Variants in FIG4 observed in about 807,000 individuals in gnomAD.
The protein encoded by FIG4 is FIG4 phosphoinositide 5-phosphatase, also known as polyphosphoinositide phosphatase.
In FIG4, 112 loss-of-function variants were observed where a neutral mutation model predicts 118.6. The observed-to-expected ratio is 0.94, with a 90% confidence interval of 0.81 to 1.11. FIG4 has a LOEUF of 1.11. Ranked by LOEUF, FIG4 falls within the 50% of genes least tolerant of loss-of-function variation. The probability of loss-of-function intolerance (pLI) is 0.00; values close to 1 mark genes in which losing one functional copy is unlikely to be tolerated. For synonymous variants in FIG4, 369 were observed against 381.2 expected (o/e 0.97, Z 0.37); for missense variants, 969 against 1,111.7 (o/e 0.87, Z 1.83).
intron 22 of FIG4, among the ~76,000 whole-genome samples, chr6:109,812,018 G>T (rs1015583037): frequency 1.3e-5 from 2 of 152,120 alleles, no homozygotes; most frequent in African/African-American, 4.8e-5. Flanking sequence ...CCAGGTGGAG[G>T]TAATTGAATC....
At chr6:109,703,549 G>T (rs1029428330) in intron 1 of FIG4, among the ~76,000 whole-genome samples, 1 of 152,034 alleles carries the variant, frequency 6.6e-6, no homozygotes, top group Non-Finnish European at 1.5e-5. Context: ...TGCTCTTGGG[G>T]CTTGAGCCTA....
chr6:109,739,981 G>T (rs1422495217), intron 7 of FIG4, among the ~76,000 whole-genome samples: 2 of 152,162 alleles, frequency 1.3e-5, no homozygotes, highest in Non-Finnish European at 2.9e-5. Context: ...AGATTTATGT[G>T]CTACACTTGA....
intron 10 of FIG4, among the ~76,000 whole-genome samples, chr6:109,757,022 C>T (rs1315711199): frequency 1.3e-5 from 2 of 152,172 alleles, no homozygotes; most frequent in Non-Finnish European, 2.9e-5. Context: ...CACCCGTCTT[C>T]TGCGTCGCTC....
intron 22 of FIG4, among the ~76,000 whole-genome samples, chr6:109,818,773 G>A (rs114862781): frequency 1.4e-4 from 21 of 152,128 alleles, no homozygotes; most frequent in African/African-American, 5.1e-4. Context: ...CCACTAATCT[G>A]CAAAACACAT....
At chr6:109,706,559 T>C (rs1254525845) in intron 1 of FIG4, among the ~76,000 whole-genome samples, 1 of 152,198 alleles carries the variant, frequency 6.6e-6, no homozygotes, top group Non-Finnish European at 1.5e-5. Context: ...CATGCTTTCC[T>C]CCCTTTGGGC....
At chr6:109,701,195 C>T (rs922910707) in intron 1 of FIG4, among the ~76,000 whole-genome samples, 2 of 152,160 alleles carry the variant, frequency 1.3e-5, no homozygotes, top group African/African-American at 4.8e-5. Context: ...GTAGTTCTAG[C>T]TTGTGAGGGT....
chr6:109,807,013 A>T (rs1478375482), intron 22 of FIG4, among the ~76,000 whole-genome samples: 1 of 152,178 alleles, frequency 6.6e-6, no homozygotes, highest in Non-Finnish European at 1.5e-5. Flanking sequence ...ATTGATAGGC[A>T]TTTGGTTTGG....
intron 15 of FIG4, among the ~76,000 whole-genome samples, chr6:109,773,224 A>G (rs577088109): frequency 1.9e-4 from 29 of 152,212 alleles, no homozygotes; most frequent in Non-Finnish European, 4.1e-4. Flanking sequence ...AGTGGACCCA[A>G]CCAGATGATT....
At chr6:109,766,947 T>A (rs1777298444) in intron 15 of FIG4, 52 bp downstream of exon 15, 1 of 1,471,592 alleles carries the variant, frequency 6.8e-7, no homozygotes, top group South Asian at 1.1e-5. Flanking sequence ...GTGCATTTTT[T>A]GTATGTCTTT....
chr6:109,761,893 C>T (rs1777118487), intron 11 of FIG4, among the ~76,000 whole-genome samples, 198 bp from the exon 12 acceptor site: 1 of 152,188 alleles, frequency 6.6e-6, no homozygotes, highest in East Asian at 1.9e-4. Flanking sequence ...GTGTCTCTTT[C>T]ACATCAAATG....
chr6:109,773,465 A>G (rs912784444), intron 15 of FIG4, among the ~76,000 whole-genome samples: 3 of 152,108 alleles, frequency 2.0e-5, no homozygotes, highest in Non-Finnish European at 2.9e-5. Flanking sequence ...TTCTACTTCA[A>G]TACCCATTGA....
intron 18 of FIG4, among the ~76,000 whole-genome samples, chr6:109,787,274 T>G (rs1777997800): frequency 6.6e-6 from 1 of 152,202 alleles, no homozygotes; most frequent in Admixed American, 6.5e-5. Flanking sequence ...ATTTAATTTT[T>G]TATATTTCAC....
chr6:109,758,721 C>G (rs1777001836), intron 10 of FIG4, among the ~76,000 whole-genome samples: 1 of 152,172 alleles, frequency 6.6e-6, no homozygotes, highest in Admixed American at 6.5e-5. Flanking sequence ...TCACAAAGGG[C>G]TACTATCCAG....
chr6:109,796,166 C>T (rs998680630), intron 21 of FIG4, among the ~76,000 whole-genome samples: 2 of 152,198 alleles, frequency 1.3e-5, no homozygotes, highest in African/African-American at 2.4e-5. Flanking sequence ...GTCATATGGC[C>T]GTTGTGCTCA....
chr6:109,704,268 A>G (rs1307044464), intron 1 of FIG4, among the ~76,000 whole-genome samples: 5 of 152,206 alleles, frequency 3.3e-5, no homozygotes, highest in African/African-American at 1.2e-4. Flanking sequence ...TTCCTCAGGC[A>G]TCGAGCCTAG....
chr6:109,750,630 CTCTTTATAAAAA>C (rs1776661355), intron 10 of FIG4, among the ~76,000 whole-genome samples: 1 of 152,048 alleles, frequency 6.6e-6, no homozygotes, highest in Non-Finnish European at 1.5e-5. Context: ...GAGACCCTGT[CTCTTTATAAAAA>C]AAGAAAAAAG....
At chr6:109,794,869 C>T (rs996687695) in intron 21 of FIG4, among the ~76,000 whole-genome samples, 2 of 152,162 alleles carry the variant, frequency 1.3e-5, no homozygotes, top group African/African-American at 2.4e-5. Flanking sequence ...AAGTGGTTTC[C>T]GCAGCCTGTC....
chr6:109,782,096 CT>C (rs1184863211), intron 16 of FIG4, among the ~76,000 whole-genome samples: 2 of 152,106 alleles, frequency 1.3e-5, no homozygotes, highest in Non-Finnish European at 2.9e-5. Flanking sequence ...GAACCGAGAA[CT>C]CTTAATAATA....
At chr6:109,739,407 C>T (rs77847814) in intron 7 of FIG4, among the ~76,000 whole-genome samples, 2,222 of 152,128 alleles carry the variant, frequency 0.015, 58 homozygotes, top group African/African-American at 0.051. Flanking sequence ...GGCATTTTTG[C>T]ATTCAGCATG....
Sources: allele counts gnomAD v4.1 joint callset (sites outside exome capture counted in the v4.1 genomes callset), GRCh38; gene constraint gnomAD v4.1.1; transcripts MANE v1.5; gene names NCBI Gene and HGNC (gene_info 2026-07-23, HGNC 2026-07-21).